DHRS3: variants seen among roughly 807,000 people sequenced by gnomAD.
DHRS3 encodes the protein dehydrogenase/reductase 3.
A neutral mutation model predicts 27.2 loss-of-function variants in DHRS3; 14 were observed. That is an observed-to-expected ratio of 0.52 (90% CI 0.34 to 0.81). The LOEUF is 0.81. DHRS3 is among the 30% of genes least tolerant of loss of function. The probability of loss-of-function intolerance (pLI) is 0.01; values close to 1 mark genes in which losing one functional copy is unlikely to be tolerated. For missense variants in DHRS3, 322 were observed against 406.2 expected (o/e 0.79, Z 1.78); for synonymous variants, 165 against 175.9 (o/e 0.94, Z 0.49).
At position 12,578,474 on chromosome 1, in the gene DHRS3, C is replaced by G. The variant is rs1646611121; in HGVS notation, c.698+244G>C. 6.6e-6 allele frequency among the ~76,000 whole-genome samples: 1 copy of G among 152,176 alleles called. No homozygotes were observed. Among genetic ancestry groups the G allele is most frequent in the African/African-American group, 2.4e-5 (1 of 41,434 alleles). The stretch of plus-strand genomic sequence containing the variant: ...GGAATACAGGTGTGCATCACCATGC[C>G]CAGCTAATTTTTTATTTTTTTTAGA... On this transcript the variant is annotated intron_variant, in intron 4 of 5. Transcript: ENST00000616661. The surrounding 1 kb of genome is among the most constrained non-coding windows in gnomAD (Gnocchi z 4.5).
Position 12,572,635 on chromosome 1 carries a change from A to G in DHRS3, c.824+93T>C. 2 of 1,528,640 alleles carry G rather than the reference A, an allele frequency of 1.3e-6. 1 individual carries two copies. The highest frequency in any genetic ancestry group is 3.4e-4 in the Middle Eastern group (2 of 5,904). The allele number at this position is 1,528,640 out of a possible 1,614,324, so 94.7% of individuals were successfully genotyped here. A position where few individuals can be genotyped will look rare whatever the true frequency, so the allele number is the denominator to read the frequency against. On this transcript the variant is annotated intron_variant, in intron 5 of 5. Coordinates refer to ENST00000616661, the MANE Select transcript of DHRS3 (RefSeq NM_004753.7). ...ACAGTACATCAGCAGCAAATGTGCC[A>G]GCACTCCTCATGCTCATGCCCGCAG...
At chr1:12,599,917 C>T (rs1033359093) in intron 1 of DHRS3, among the ~76,000 whole-genome samples, 1 of 152,206 alleles carries the variant, frequency 6.6e-6, no homozygotes, top group African/African-American at 2.4e-5. Flanking sequence ...TAGGGTTGCT[C>T]TGAGGAGTAA....
Position 12,580,650 on chromosome 1 carries a change from CG to C in DHRS3, c.211del (p.Arg71GlyfsTer6). The C allele has an allele frequency of 1.2e-6, 2 of 1,613,558 alleles. No homozygotes were observed. The highest frequency in any genetic ancestry group is 8.5e-7 in the Non-Finnish European group (1 of 1,179,654). On this transcript the variant is annotated frameshift_variant, in exon 2 of 6. Coordinates refer to ENST00000616661, the MANE Select transcript of DHRS3 (RefSeq NM_004753.7). LOFTEE classifies it high-confidence loss of function. ...CGTCTCCTTCAGGCATTTCTCAGTCCGGCCCCAGAGAACAATCTGGAAGAAG... is the reference window on the plus strand; with the variant it reads ...CGTCTCCTTCAGGCATTTCTCAGTCCGCCCCAGAGAACAATCTGGAAGAAG... Reference protein sequence around the residue: ...RGARKIVLWGRTEKCLKETTE... With the variant: ...RGARKIVLWGXTEKCLKETTE...
chr1:12,596,937 T>C (rs1227465066), intron 1 of DHRS3, among the ~76,000 whole-genome samples: 1 of 152,022 alleles, frequency 6.6e-6, no homozygotes, highest in Non-Finnish European at 1.5e-5. Flanking sequence ...CTGGGTTTAT[T>C]GTGAGAAGCC....
Position 12,594,283 on chromosome 1 carries a change from C to G in DHRS3, c.196-13617G>C, listed in dbSNP as rs1426904950. On this transcript the variant is annotated intron_variant, in intron 1 of 5. Coordinates refer to ENST00000616661, the MANE Select transcript of DHRS3 (RefSeq NM_004753.7). This position sits in a 1 kb window ranked among gnomAD's most constrained non-coding sequence, Gnocchi z 4.1. Reference sequence around the variant, plus strand: ...TTTAACAACCCTGTCCTGCCTCATTCATTCATTCAAGGACTATTTGTGGAA... The same window carrying G: ...TTTAACAACCCTGTCCTGCCTCATTGATTCATTCAAGGACTATTTGTGGAA... Among the ~76,000 whole-genome samples, 1 of 152,230 alleles carries G rather than the reference C, an allele frequency of 6.6e-6. No individual in the cohort carries two copies. Among genetic ancestry groups the G allele is most frequent in the Non-Finnish European group, 1.5e-5 (1 of 68,044 alleles).
intron 1 of DHRS3, among the ~76,000 whole-genome samples, chr1:12,601,059 C>T (rs1343179911): frequency 6.6e-6 from 1 of 152,062 alleles, no homozygotes; most frequent in Non-Finnish European, 1.5e-5. Flanking sequence ...TGGAGGGCTG[C>T]CTGATACAGG....
Position 12,591,746 on chromosome 1 carries a change from T to C in DHRS3, c.196-11080A>G, listed in dbSNP as rs937859534. Among the ~76,000 whole-genome samples the C allele has an allele frequency of 2.8e-4, 43 of 152,212 alleles. 1 individual carries two copies. The highest frequency in any genetic ancestry group is 2.4e-4 in the African/African-American group (10 of 41,456). On this transcript the variant is annotated intron_variant, in intron 1 of 5. Coordinates refer to ENST00000616661, the MANE Select transcript of DHRS3 (RefSeq NM_004753.7). This position sits in a 1 kb window ranked among gnomAD's most constrained non-coding sequence, Gnocchi z 4.1. ...GCGGTAGAGCTGGGACCTCAACTTA[T>C]GCAATCTGTGCCCTTGGCCACTGAC...
chr1:12,589,244 A>G (rs1342137623), intron 1 of DHRS3, among the ~76,000 whole-genome samples: 1 of 152,054 alleles, frequency 6.6e-6, no homozygotes, highest in African/African-American at 2.4e-5. Flanking sequence ...AAAAGGAGAG[A>G]CCCTTTCTCG....
At chr1:12,595,663 T>C (rs1646790121) in intron 1 of DHRS3, among the ~76,000 whole-genome samples, 1 of 143,676 alleles carries the variant, frequency 7.0e-6, no homozygotes, top group Non-Finnish European at 1.5e-5. Context: ...GGGAAACAGG[T>C]TGGGGTCCTG....
At chr1:12,613,424 AT>A (rs1268354051) in intron 1 of DHRS3, among the ~76,000 whole-genome samples, 1 of 152,144 alleles carries the variant, frequency 6.6e-6, no homozygotes, top group Non-Finnish European at 1.5e-5. Flanking sequence ...TCTTTGCTAC[AT>A]TTTCTTACAG....
rs541899217 is a variant in DHRS3 at position 12,574,987 on chromosome 1, G to A, written c.699-2134C>T. Reference sequence around the variant, plus strand: ...GTGAGGGCCAAATGCAGCAGCACTTGTAAAGTGTCTAGTGGTTCTAGGTGG... The same window carrying A: ...GTGAGGGCCAAATGCAGCAGCACTTATAAAGTGTCTAGTGGTTCTAGGTGG... On this transcript the variant is annotated intron_variant, in intron 4 of 5. Transcript: ENST00000616661. This position sits in a 1 kb window ranked among gnomAD's most constrained non-coding sequence, Gnocchi z 4.6. Among the ~76,000 whole-genome samples the A allele has an allele frequency of 6.6e-6, 1 of 152,136 alleles. No individual in the cohort carries two copies. Among genetic ancestry groups the A allele is most frequent in the African/African-American group, 2.4e-5 (1 of 41,428 alleles).
chr1:12,610,612 G>T (rs1001436194), intron 1 of DHRS3, among the ~76,000 whole-genome samples: 3 of 152,160 alleles, frequency 2.0e-5, no homozygotes, highest in African/African-American at 7.2e-5. Context: ...TTCTTGTTGA[G>T]AATCTAGGCA....
intron 1 of DHRS3, among the ~76,000 whole-genome samples, chr1:12,611,805 G>A (rs1014189968): frequency 6.6e-6 from 1 of 151,616 alleles, no homozygotes; most frequent in Non-Finnish European, 1.5e-5. Context: ...CAAGAACCCA[G>A]TCTTGGCTGG....
At position 12,578,865 on chromosome 1, in the gene DHRS3, C is replaced by T. The variant is rs1347538218; in HGVS notation, c.551G>A (p.Gly184Asp). 1 of 1,613,984 alleles carries T rather than the reference C, an allele frequency of 6.2e-7. No homozygotes were observed. The highest frequency in any genetic ancestry group is 8.5e-7 in the Non-Finnish European group (1 of 1,180,028). ...TTTGGATGTGCAGTAGTCGATGGCA[C>T]CGGGGATGGCAGACAGTGCCAGCAC... Reference protein sequence around the residue: ...NSVLALSAIPGAIDYCTSKAS... With the variant: ...NSVLALSAIPDAIDYCTSKAS... The change falls in exon 4 of 6, where the codon GGT becomes GAT. Residue 184 changes from glycine (G) to aspartate (D), a missense_variant. Physicochemically the swap from Gly to Asp is moderately conservative, Grantham distance 94. Coordinates refer to ENST00000616661, the MANE Select transcript of DHRS3 (RefSeq NM_004753.7). This position sits in a 1 kb window ranked among gnomAD's most constrained non-coding sequence, Gnocchi z 4.5.
At chr1:12,573,791 T>C (rs949628278) in intron 4 of DHRS3, among the ~76,000 whole-genome samples, 1 of 152,216 alleles carries the variant, frequency 6.6e-6, no homozygotes, top group African/African-American at 2.4e-5. Flanking sequence ...ATCCAAACAA[T>C]GATGATGTTC....
In DHRS3 at chr1:12,580,514, G is replaced by A. The variant is rs202156591; in HGVS notation, c.339+9C>T. The A allele has an allele frequency of 1.2e-6, 2 of 1,614,006 alleles. No individual in the cohort carries two copies. Among genetic ancestry groups the A allele is most frequent in the Non-Finnish European group, 1.7e-6 (2 of 1,180,024 alleles). On this transcript the variant is annotated intron_variant, in intron 2 of 5. Coordinates refer to ENST00000616661, the MANE Select transcript of DHRS3 (RefSeq NM_004753.7). Reference sequence around the variant, plus strand: ...CTGTGCTAGGAATAGACCCTCCCAGGCTACAGACCTTCTCCCGGACGGCCT... The same window carrying A: ...CTGTGCTAGGAATAGACCCTCCCAGACTACAGACCTTCTCCCGGACGGCCT...
Position 12,578,962 on chromosome 1 carries a change from G to A in DHRS3, c.460-6C>T. 1 of 1,608,830 alleles carries A rather than the reference G, an allele frequency of 6.2e-7. No individual in the cohort carries two copies. The highest frequency in any genetic ancestry group is 8.5e-7 in the Non-Finnish European group (1 of 1,177,918). On this transcript the variant is annotated splice_polypyrimidine_tract_variant and splice_region_variant and intron_variant, in intron 3 of 5. Coordinates refer to ENST00000616661, the MANE Select transcript of DHRS3 (RefSeq NM_004753.7). The surrounding 1 kb of genome is among the most constrained non-coding windows in gnomAD (Gnocchi z 4.5). ...GGCAGGAAGGCCTTGGTGGTCTGAG[G>A]GCAGATGGGGTGTCAGGGTGGAGCA...
chr1:12,577,017 T>C (rs1187521998), intron 4 of DHRS3, among the ~76,000 whole-genome samples: 2 of 151,828 alleles, frequency 1.3e-5, no homozygotes, highest in African/African-American at 4.8e-5. Context: ...TCCCGATTAA[T>C]AGTAACTAAG....
chr1:12,609,463 T>C (rs1646892565), intron 1 of DHRS3, among the ~76,000 whole-genome samples: 2 of 151,990 alleles, frequency 1.3e-5, no homozygotes, highest in Non-Finnish European at 2.9e-5. Context: ...GCCTAGATTC[T>C]CCATTACCCT....
Sources: allele counts gnomAD v4.1 joint callset (sites outside exome capture counted in the v4.1 genomes callset), GRCh38; gene constraint gnomAD v4.1.1; non-coding constraint Gnocchi (gnomAD v3.1); transcripts MANE v1.5; gene names NCBI Gene and HGNC (gene_info 2026-07-23, HGNC 2026-07-21).